The following PTPRD variants were observed in gnomAD, a reference collection of about 807,000 sequenced individuals.
The protein encoded by PTPRD is receptor-type tyrosine-protein phosphatase delta.
PTPRD carries 34 observed loss-of-function variants against 214.5 expected under a neutral mutation model. The observed-to-expected ratio is 0.16, with a 90% CI of 0.12 to 0.21. PTPRD has a LOEUF of 0.21. Ranked by LOEUF, PTPRD falls within the 10% of genes least tolerant of loss-of-function variation. The pLI, the probability that PTPRD is intolerant of heterozygous loss-of-function variation, is 1.00. For synonymous variants in PTPRD, 1,128 were observed against 845.7 expected (o/e 1.33, Z -5.79); for missense variants, 2,545 against 2,398.7 (o/e 1.06, Z -1.27).
intron 3 of PTPRD, among the ~76,000 whole-genome samples, chr9:10,201,763 T>C (rs953471253): frequency 1.7e-4 from 26 of 152,246 alleles, no homozygotes; most frequent in African/African-American, 6.3e-4. Flanking sequence ...TTGTATCCCA[T>C]GAATGTATGC....
At chr9:9,620,973 G>A (rs1275004223) in intron 7 of PTPRD, among the ~76,000 whole-genome samples, 1 of 152,056 alleles carries the variant, frequency 6.6e-6, no homozygotes, top group Non-Finnish European at 1.5e-5. Flanking sequence ...CACAGATGGA[G>A]AATTATCATA....
At chr9:8,947,693 G>A (rs1424277319) in intron 11 of PTPRD, among the ~76,000 whole-genome samples, 4 of 151,942 alleles carry the variant, frequency 2.6e-5, no homozygotes, top group Non-Finnish European at 5.9e-5. Context: ...TGGGTAGGTG[G>A]TACAATATCT....
intron 8 of PTPRD, among the ~76,000 whole-genome samples, chr9:9,427,091 C>A (rs143579997): frequency 6.6e-6 from 1 of 152,036 alleles, no homozygotes; most frequent in Non-Finnish European, 1.5e-5. Flanking sequence ...AGGCTTCAGA[C>A]GATCGGTAAT....
chr9:9,686,995 G>T (rs938586459), intron 7 of PTPRD, among the ~76,000 whole-genome samples: 2 of 151,634 alleles, frequency 1.3e-5, no homozygotes, highest in Non-Finnish European at 3.0e-5. Context: ...TTATTATTAC[G>T]TTGTGAGCTC....
intron 3 of PTPRD, among the ~76,000 whole-genome samples, chr9:10,123,251 G>A (rs1181628190): frequency 6.6e-6 from 1 of 152,190 alleles, no homozygotes. Context: ...CTGGGATTTG[G>A]CCACCTTTAG....
At chr9:8,662,336 G>C (rs2097077584) in intron 12 of PTPRD, among the ~76,000 whole-genome samples, 1 of 151,652 alleles carries the variant, frequency 6.6e-6, no homozygotes. Flanking sequence ...ACAAACAAAG[G>C]TCAGACTCCA....
chr9:8,908,159 G>T (rs1239861889), intron 11 of PTPRD, among the ~76,000 whole-genome samples: 1 of 152,120 alleles, frequency 6.6e-6, no homozygotes, highest in Non-Finnish European at 1.5e-5. Flanking sequence ...TAATGAAACT[G>T]CTGAAAAAAT....
chr9:8,818,927 A>G (rs552534817), intron 11 of PTPRD, among the ~76,000 whole-genome samples: 1 of 152,230 alleles, frequency 6.6e-6, no homozygotes, highest in South Asian at 2.1e-4. Context: ...CATTTGGAAG[A>G]ATAGAGAATC....
At chr9:8,987,238 C>T (rs991560955) in intron 11 of PTPRD, among the ~76,000 whole-genome samples, 5 of 151,936 alleles carry the variant, frequency 3.3e-5, no homozygotes, top group Admixed American at 3.3e-4. Flanking sequence ...AGATGTGAGA[C>T]GATTGGCCAG....
chr9:9,899,465 T>G (rs1329762329), intron 5 of PTPRD, among the ~76,000 whole-genome samples: 1 of 151,994 alleles, frequency 6.6e-6, no homozygotes, highest in African/African-American at 2.4e-5. Context: ...ATAACACAAT[T>G]CATCAGGGAA....
intron 8 of PTPRD, among the ~76,000 whole-genome samples, chr9:9,554,963 A>G (rs377070597): frequency 7.2e-5 from 11 of 152,102 alleles, no homozygotes; most frequent in African/African-American, 1.7e-4. Flanking sequence ...TATACAAGCT[A>G]TTTTATATCT....
chr9:9,736,611 C>G (rs1048422961), intron 6 of PTPRD, among the ~76,000 whole-genome samples: 1 of 151,888 alleles, frequency 6.6e-6, no homozygotes, highest in Non-Finnish European at 1.5e-5. Flanking sequence ...GAAAATATTT[C>G]TTTTCTGCTT....
At chr9:8,998,373 C>T (rs1169792160) in intron 11 of PTPRD, among the ~76,000 whole-genome samples, 2 of 151,998 alleles carry the variant, frequency 1.3e-5, no homozygotes, top group Non-Finnish European at 2.9e-5. Flanking sequence ...AAGAATTATG[C>T]TAAATCTACC....
At chr9:9,509,746 T>C (rs373628203) in intron 8 of PTPRD, among the ~76,000 whole-genome samples, 19 of 151,514 alleles carry the variant, frequency 1.3e-4, no homozygotes, top group African/African-American at 4.1e-4. Context: ...TACACCAAAC[T>C]CCTGGCTTTC....
chr9:9,261,465 G>A (rs1029407351), intron 9 of PTPRD, among the ~76,000 whole-genome samples: 6 of 151,866 alleles, frequency 4.0e-5, no homozygotes, highest in Non-Finnish European at 8.8e-5. Flanking sequence ...CATAATGGGA[G>A]AGACAATAAA....
chr9:9,732,293 T>A (rs2098211305), intron 7 of PTPRD, among the ~76,000 whole-genome samples: 1 of 151,776 alleles, frequency 6.6e-6, no homozygotes, highest in Admixed American at 6.6e-5. Flanking sequence ...AACTTGTATA[T>A]CAAACTAGGG....
intron 6 of PTPRD, among the ~76,000 whole-genome samples, chr9:9,765,976 A>G (rs1248927946): frequency 2.0e-5 from 3 of 152,160 alleles, no homozygotes; most frequent in Admixed American, 1.3e-4. Context: ...AATTCTTTAT[A>G]TGTTAGTTCA....
chr9:9,379,603 T>C (rs2140244085), intron 9 of PTPRD, among the ~76,000 whole-genome samples: 1 of 152,198 alleles, frequency 6.6e-6, no homozygotes, highest in East Asian at 1.9e-4. Context: ...TGGGATTGCA[T>C]TGAATCTACA....
At chr9:8,886,883 C>T (rs961667479) in intron 11 of PTPRD, among the ~76,000 whole-genome samples, 3 of 152,208 alleles carry the variant, frequency 2.0e-5, no homozygotes, top group Non-Finnish European at 4.4e-5. Context: ...TATACACACA[C>T]AAACTGCATT....
Sources: allele counts gnomAD v4.1 joint callset (sites outside exome capture counted in the v4.1 genomes callset), GRCh38; gene constraint gnomAD v4.1.1; transcripts MANE v1.5; gene names NCBI Gene and HGNC (gene_info 2026-07-23, HGNC 2026-07-21).